CNBD1: variants seen among roughly 807,000 people sequenced by gnomAD.
CNBD1 encodes cyclic nucleotide-binding domain-containing protein 1.
In CNBD1, 71 loss-of-function variants were observed where a neutral mutation model predicts 54.4. The observed-to-expected ratio is 1.30, with a 90% CI of 1.08 to 1.59. The LOEUF is 1.59. Among genes scored for constraint, CNBD1 ranks in the 40% most tolerant of loss-of-function variants. CNBD1 has a pLI of 0.00. For synonymous variants in CNBD1, 182 were observed against 170.7 expected (o/e 1.07, Z -0.51); for missense variants, 659 against 518.0 (o/e 1.27, Z -2.64).
At chr8:87,406,990 T>A (rs1165220651) in intron 2 of CNBD1, among the ~76,000 whole-genome samples, 1 of 152,000 alleles carries the variant, frequency 6.6e-6, no homozygotes, top group Non-Finnish European at 1.5e-5. Flanking sequence ...AATGAATAAC[T>A]TTTATTCTCA....
chr8:87,390,896 T>G (rs915404866), intron 2 of CNBD1, among the ~76,000 whole-genome samples: 3 of 152,146 alleles, frequency 2.0e-5, no homozygotes, highest in African/African-American at 4.8e-5. Context: ...ATACACTATG[T>G]AATACTATGC....
At chr8:87,383,947 T>A (rs1811137561), downstream of CNBD1, among the ~76,000 whole-genome samples, 1 of 152,140 alleles carries the variant, frequency 6.6e-6, no homozygotes, top group Non-Finnish European at 1.5e-5. Context: ...AGATCATGGC[T>A]ATCTAAATTT....
At chr8:86,971,087 A>G (rs1808209526) in intron 4 of CNBD1, among the ~76,000 whole-genome samples, 2 of 152,094 alleles carry the variant, frequency 1.3e-5, no homozygotes, top group African/African-American at 4.8e-5. Flanking sequence ...TATTCTGTGT[A>G]TTAGTTTGTT....
At chr8:87,279,402 G>A (rs964170297) in intron 6 of CNBD1, among the ~76,000 whole-genome samples, 2 of 151,336 alleles carry the variant, frequency 1.3e-5, no homozygotes, top group African/African-American at 2.4e-5. Context: ...AGATTTAAAA[G>A]CAAATATACA....
chr8:87,050,963 G>A (rs553668477), intron 4 of CNBD1, among the ~76,000 whole-genome samples: 31 of 152,246 alleles, frequency 2.0e-4, no homozygotes, highest in African/African-American at 5.5e-4. Context: ...CTGGTATAGC[G>A]ATTGTTCAGC....
chr8:86,949,011 C>G (rs1807539527), intron 4 of CNBD1, among the ~76,000 whole-genome samples: 1 of 152,066 alleles, frequency 6.6e-6, no homozygotes, highest in Admixed American at 6.6e-5. Flanking sequence ...AGAGATTGTC[C>G]TTTCCTCAGT....
chr8:86,920,716 C>CA lies in CNBD1; in HGVS notation c.272+15528dup, dbSNP rs554121753. 2.6e-5 allele frequency among the ~76,000 whole-genome samples: 4 copies of CA among 152,102 alleles called. No individual in the cohort carries two copies. The South Asian group carries it at 6.2e-4, about 24-fold the overall frequency. ...AAAAGCTGTCAAAGTACGTTTTAGGCAAAAAATTGATACATAAGTTTGGAT... is the reference window on the plus strand; with the variant it reads ...AAAAGCTGTCAAAGTACGTTTTAGGCAAAAAAATTGATACATAAGTTTGGAT... On this transcript the variant is annotated intron_variant, in intron 3 of 10. Coordinates refer to ENST00000518476, the MANE Select transcript of CNBD1 (RefSeq NM_173538.3).
chr8:87,267,773 G>A (rs1340689156), intron 6 of CNBD1, among the ~76,000 whole-genome samples: 3 of 151,946 alleles, frequency 2.0e-5, no homozygotes, highest in Non-Finnish European at 4.4e-5. Flanking sequence ...CAGATAGTGG[G>A]CCCAAAGTAA....
chr8:87,324,489 T>C (rs1308333601), intron 8 of CNBD1, among the ~76,000 whole-genome samples: 1 of 147,566 alleles, frequency 6.8e-6, no homozygotes, highest in Admixed American at 6.8e-5. Context: ...GCTCCTGTTA[T>C]TGGTCTATTC....
downstream of CNBD1, among the ~76,000 whole-genome samples, chr8:87,384,641 C>T (rs1020241119): frequency 2.0e-5 from 3 of 152,116 alleles, no homozygotes; most frequent in Admixed American, 1.3e-4. Context: ...TTGTGTCAGA[C>T]ACATGGTAGG....
rs999183828 is a variant in CNBD1 at position 87,377,083 on chromosome 8, T to C, written c.1304-5537T>C. 7.4e-5 allele frequency among the ~76,000 whole-genome samples: 11 copies of C among 148,846 alleles called. 1 individual carries two copies. Among genetic ancestry groups the C allele is most frequent in the African/African-American group, 2.2e-4 (9 of 40,836 alleles). On this transcript the variant is annotated intron_variant, in intron 10 of 10. Transcript: ENST00000518476. ...TTTTTATTTCTTTATTTTATTTTAT[T>C]TTATTTCTTATTTTTATTTTTCGCA...
intron 4 of CNBD1, among the ~76,000 whole-genome samples, chr8:87,095,444 A>C (rs1811297408): frequency 6.6e-6 from 1 of 152,190 alleles, no homozygotes; most frequent in South Asian, 2.1e-4. Context: ...CTTCACTCTG[A>C]CTAGATTAGA....
At chr8:86,990,066 A>G (rs1255883430) in intron 4 of CNBD1, among the ~76,000 whole-genome samples, 1 of 152,102 alleles carries the variant, frequency 6.6e-6, no homozygotes, top group Non-Finnish European at 1.5e-5. Flanking sequence ...TTGCTATAGA[A>G]TTGTTCAAGT....
intron 2 of CNBD1, among the ~76,000 whole-genome samples, chr8:87,416,485 A>T (rs1807835192): frequency 6.6e-6 from 1 of 152,018 alleles, no homozygotes. Context: ...GAAGCCTTGA[A>T]AAACAACGGC....
intron 4 of CNBD1, among the ~76,000 whole-genome samples, chr8:86,972,910 G>A (rs376624466): frequency 1.4e-4 from 22 of 152,244 alleles, no homozygotes; most frequent in Middle Eastern, 3.4e-3. Flanking sequence ...CATATTTTCC[G>A]TTGTACTTTC....
intron 4 of CNBD1, among the ~76,000 whole-genome samples, chr8:87,080,510 G>A (rs190838621): frequency 5.0e-4 from 76 of 151,836 alleles, no homozygotes; most frequent in Non-Finnish European, 8.1e-4. Flanking sequence ...GGTGGAGGTT[G>A]CAGTGAGCCA....
chr8:86,931,980 T>A (rs1160197194), intron 3 of CNBD1, among the ~76,000 whole-genome samples: 1 of 152,124 alleles, frequency 6.6e-6, no homozygotes, highest in East Asian at 1.9e-4. Context: ...GACTCCAGTC[T>A]CCATGATCTG....
intron 4 of CNBD1, among the ~76,000 whole-genome samples, chr8:87,060,714 A>T (rs1810526128): frequency 1.3e-5 from 2 of 152,164 alleles, no homozygotes; most frequent in Admixed American, 6.5e-5. Flanking sequence ...TTAAAAACCG[A>T]TCATCACAAT....
intron 10 of CNBD1, among the ~76,000 whole-genome samples, chr8:87,371,789 C>A (rs553472722): frequency 2.0e-5 from 3 of 151,848 alleles, no homozygotes; most frequent in Non-Finnish European, 4.4e-5. Flanking sequence ...ATTCAACAAC[C>A]CTTCATGCTA....
Sources: gnomAD v4.1 joint callset for allele counts (sites outside exome capture counted in the v4.1 genomes callset) on GRCh38, gnomAD v4.1.1 for gene constraint, MANE v1.5 for transcripts, NCBI Gene and HGNC (gene_info 2026-07-23, HGNC 2026-07-21) for gene names.